Variants in DIS3L2 observed in about 807,000 individuals in gnomAD.
DIS3L2 encodes the protein DIS3 like 3'-5' exoribonuclease 2.
Under a neutral mutation model 97.5 loss-of-function variants are expected in DIS3L2, and 34 were observed. That is an observed-to-expected ratio of 0.35 (90% confidence interval 0.27 to 0.46). The LOEUF (loss-of-function observed/expected upper bound fraction) is 0.46. Among genes scored for constraint, DIS3L2 ranks in the 20% least tolerant of loss-of-function variants. DIS3L2 has a pLI of 1.00. For synonymous variants in DIS3L2, 435 were observed against 445.2 expected, an observed-to-expected ratio of 0.98 and a Z score of 0.29; for missense variants, 1,038 against 1,146.0, an observed-to-expected ratio of 0.91 and a Z score of 1.36.
At chr2:232,045,237 A>G (rs1363513019) in intron 5 of DIS3L2, among the ~76,000 whole-genome samples, 1 of 152,206 alleles carries the variant, frequency 6.6e-6, no homozygotes, top group African/African-American at 2.4e-5. Flanking sequence ...TCTAAGTCCA[A>G]CAAGTTTTAA....
chr2:232,131,070 C>T, intron 7 of DIS3L2: 1 of 207,124 alleles, frequency 4.8e-6, no homozygotes, highest in Non-Finnish European at 9.5e-6. Context: ...TATAGACTCT[C>T]TTCAGATTTG....
intron 3 of DIS3L2, among the ~76,000 whole-genome samples, chr2:232,021,617 TAGAG>T (rs1694515966): frequency 6.6e-6 from 1 of 151,894 alleles, no homozygotes; most frequent in South Asian, 2.1e-4. Flanking sequence ...GTAGTGAGGA[TAGAG>T]AGGAAGGCAG....
chr2:231,980,569 G>A (rs771751254), intron 1 of DIS3L2, among the ~76,000 whole-genome samples: 1 of 152,062 alleles, frequency 6.6e-6, no homozygotes, highest in Admixed American at 6.6e-5. Context: ...GTGGTGGCAT[G>A]CACCTGTATT....
chr2:232,181,418 G>C (rs1193017868), intron 9 of DIS3L2, among the ~76,000 whole-genome samples: 2 of 152,210 alleles, frequency 1.3e-5, no homozygotes, highest in Admixed American at 1.3e-4. Flanking sequence ...TTCCAACTTG[G>C]TTCCATTCTC....
intron 12 of DIS3L2, among the ~76,000 whole-genome samples, chr2:232,253,315 C>G (rs900350420): frequency 6.6e-6 from 1 of 152,216 alleles, no homozygotes; most frequent in Non-Finnish European, 1.5e-5. Flanking sequence ...TTTGTGCCAC[C>G]AGTGTAAATG....
At position 232,325,701 on chromosome 2, in the gene DIS3L2, AG is replaced by A. The variant is rs1352931544; in HGVS notation, c.1740-4111del. 2.0e-5 allele frequency among the ~76,000 whole-genome samples: 3 copies of A among 152,220 alleles called. No homozygotes were observed. Among genetic ancestry groups the A allele is most frequent in the Admixed American group, 6.5e-5 (1 of 15,290 alleles). ...CCAAGGCCCCCGTCTCCGAGGCCTT[AG>A]CTTGCTGTTCTGGAAGGTGATGCTG... On this transcript the variant is annotated intron_variant, in intron 14 of 20. Transcript: ENST00000325385. This position sits in a 1 kb window ranked among gnomAD's most constrained non-coding sequence, Gnocchi z 4.6.
chr2:232,113,250 C>G (rs1697592682), intron 6 of DIS3L2, among the ~76,000 whole-genome samples: 1 of 152,208 alleles, frequency 6.6e-6, no homozygotes, highest in Non-Finnish European at 1.5e-5. Context: ...ACAGCTTGGA[C>G]TATGTCCTAA....
At chr2:231,982,915 G>T (rs536494343) in intron 1 of DIS3L2, among the ~76,000 whole-genome samples, 186 of 152,146 alleles carry the variant, frequency 1.2e-3, no homozygotes, top group African/African-American at 4.1e-3. Flanking sequence ...CTTAACCTCA[G>T]ATGATCCACC....
intron 11 of DIS3L2, among the ~76,000 whole-genome samples, chr2:232,243,734 G>A (rs1328857050): frequency 6.6e-6 from 1 of 152,192 alleles, no homozygotes; most frequent in Non-Finnish European, 1.5e-5. Flanking sequence ...AGAAGAAGTA[G>A]GGAGAAGCAA....
At chr2:232,040,648 T>C (rs1695085274) in intron 5 of DIS3L2, among the ~76,000 whole-genome samples, 2 of 152,200 alleles carry the variant, frequency 1.3e-5, no homozygotes. Context: ...ACCCTGTGGG[T>C]GCTAATAACA....
chr2:232,332,321 G>A (rs1219961624), intron 16 of DIS3L2, among the ~76,000 whole-genome samples: 4 of 152,130 alleles, frequency 2.6e-5, no homozygotes, highest in Admixed American at 6.5e-5. Context: ...GAGTTAGGGA[G>A]CGGAGCAGGT....
At chr2:232,072,515 G>C (rs1015765726) in intron 5 of DIS3L2, among the ~76,000 whole-genome samples, 5 of 152,174 alleles carry the variant, frequency 3.3e-5, no homozygotes, top group African/African-American at 1.2e-4. Context: ...CAGTCAGGTA[G>C]AGCCTTTACA....
intron 5 of DIS3L2, among the ~76,000 whole-genome samples, chr2:232,045,583 C>T (rs924291430): frequency 5.3e-5 from 8 of 151,830 alleles, no homozygotes; most frequent in African/African-American, 1.9e-4. Flanking sequence ...AGTGGGCCTA[C>T]CACTGTGTGA....
chr2:232,184,344 G>A lies in DIS3L2; in HGVS notation c.1124+20712G>A, dbSNP rs1262134818. Among the ~76,000 whole-genome samples the A allele has an allele frequency of 2.6e-5, 4 of 152,124 alleles. No homozygotes were observed. The East Asian group carries it at 7.7e-4, about 29-fold the overall frequency. On this transcript the variant is annotated intron_variant, in intron 9 of 20. Coordinates refer to ENST00000325385, the MANE Select transcript of DIS3L2 (RefSeq NM_152383.5). ...TGGGAAAATAACAGAAAGAGTGAAA[G>A]GAAGATAGAATTTGAAAATAAGGTC... is the stretch of plus-strand genomic sequence containing the variant.
downstream of DIS3L2, chr2:232,340,584 A>G (rs1356900007): frequency 4.7e-6 from 2 of 426,644 alleles, no homozygotes; most frequent in Non-Finnish European, 9.6e-6. Context: ...TGCTGAGACT[A>G]CAGCCCTCGT....
At chr2:232,132,205 G>A (rs987458032) in intron 7 of DIS3L2, among the ~76,000 whole-genome samples, 4 of 151,968 alleles carry the variant, frequency 2.6e-5, no homozygotes, top group Admixed American at 6.6e-5. Context: ...TGTTTTTAAT[G>A]GATTCAACCA....
intron 3 of DIS3L2, 43 bp downstream of exon 3, chr2:232,015,714 A>G: frequency 6.2e-7 from 1 of 1,600,076 alleles, no homozygotes; most frequent in Non-Finnish European, 8.5e-7. Flanking sequence ...AATATGTAGA[A>G]TCCAAAACAA....
intron 1 of DIS3L2, among the ~76,000 whole-genome samples, chr2:231,987,754 G>C (rs530780971): frequency 1.3e-5 from 2 of 152,302 alleles, no homozygotes; most frequent in East Asian, 3.9e-4. Flanking sequence ...TTCTTTTTTT[G>C]AAGTGGTAGG....
At chr2:232,077,954 TC>T (rs1331262624) in intron 5 of DIS3L2, among the ~76,000 whole-genome samples, 65 of 135,458 alleles carry the variant, frequency 4.8e-4, no homozygotes, top group South Asian at 7.7e-4. Context: ...TTTCTTTCTT[TC>T]TCTTTCTTTC....
Sources: gnomAD v4.1 joint callset for allele counts (sites outside exome capture counted in the v4.1 genomes callset) on GRCh38, gnomAD v4.1.1 for gene constraint, Gnocchi (gnomAD v3.1) non-coding constraint, MANE v1.5 for transcripts, NCBI Gene and HGNC (gene_info 2026-07-23, HGNC 2026-07-21) for gene names.